SUSD5: variants seen among roughly 807,000 people sequenced by gnomAD.
SUSD5 encodes sushi domain-containing protein 5.
Under a neutral mutation model 29.5 loss-of-function variants are expected in SUSD5, and 33 were observed. The ratio of observed to expected loss-of-function variants is 1.12; its 90% CI spans 0.85 to 1.49. The LOEUF is 1.49. Among genes scored for constraint, SUSD5 ranks in the 40% most tolerant of loss-of-function variants. SUSD5 has a pLI of 0.00. For synonymous variants in SUSD5, 308 were observed against 325.3 expected, an observed-to-expected ratio of 0.95 and a Z score of 0.57; for missense variants, 776 against 800.6, an observed-to-expected ratio of 0.97 and a Z score of 0.37.
chr3:33,194,739 A>G (rs55643417), intron 3 of SUSD5, among the ~76,000 whole-genome samples: 4,502 of 152,296 alleles, frequency 0.03, 115 homozygotes, highest in Non-Finnish European at 0.044. Flanking sequence ...AAGATAATGG[A>G]GGCCATGAGT....
chr3:33,176,983 T>G (rs2031565268), intron 3 of SUSD5, among the ~76,000 whole-genome samples: 1 of 152,226 alleles, frequency 6.6e-6, no homozygotes, highest in Non-Finnish European at 1.5e-5. Flanking sequence ...CACACTATCT[T>G]GATTGCTGTA....
chr3:33,211,472 A>G (rs1306988761), intron 2 of SUSD5, among the ~76,000 whole-genome samples: 2 of 152,222 alleles, frequency 1.3e-5, no homozygotes, highest in Non-Finnish European at 2.9e-5. Context: ...TCTATTCAAG[A>G]GCATAGATAT....
intron 3 of SUSD5, among the ~76,000 whole-genome samples, chr3:33,205,600 A>G (rs921471881): frequency 5.3e-5 from 8 of 152,220 alleles, no homozygotes; most frequent in African/African-American, 1.4e-4. Flanking sequence ...CTTTGGCTCC[A>G]TGCATTACAG....
intron 4 of SUSD5, among the ~76,000 whole-genome samples, chr3:33,154,817 G>C (rs1280257555): frequency 6.6e-6 from 1 of 152,186 alleles, no homozygotes. Context: ...TCATGTAGTA[G>C]AAGGCTCAAG....
chr3:33,162,436 A>C (rs1305260825), intron 4 of SUSD5, among the ~76,000 whole-genome samples: 1 of 152,176 alleles, frequency 6.6e-6, no homozygotes, highest in Non-Finnish European at 1.5e-5. Flanking sequence ...AGATTTTTAA[A>C]AGAGGAGAAA....
chr3:33,207,659 C>T (rs2125632341), intron 3 of SUSD5, 149 bp downstream of exon 3: 2 of 559,360 alleles, frequency 3.6e-6, no homozygotes, highest in East Asian at 3.2e-5. Flanking sequence ...CACTTCCCCA[C>T]CGCACTATTG....
At chr3:33,205,951 A>G (rs2032211159) in intron 3 of SUSD5, among the ~76,000 whole-genome samples, 1 of 152,246 alleles carries the variant, frequency 6.6e-6, no homozygotes, top group South Asian at 2.1e-4. Flanking sequence ...TATTGGAGAA[A>G]GAAGTAAGAC....
At chr3:33,212,774 C>A (rs1575546794) in intron 2 of SUSD5, among the ~76,000 whole-genome samples, 1 of 152,278 alleles carries the variant, frequency 6.6e-6, no homozygotes. Context: ...AAGTGAGTGT[C>A]CCCAGAAATC....
At chr3:33,213,581 C>T (rs1006024819) in intron 2 of SUSD5, among the ~76,000 whole-genome samples, 1 of 152,110 alleles carries the variant, frequency 6.6e-6, no homozygotes, top group Non-Finnish European at 1.5e-5. Flanking sequence ...CGAGATCAGC[C>T]TGGCCAATAT....
rs552507070 is a variant in SUSD5 at position 33,200,156 on chromosome 3, G to T, written c.409+7652C>A. ...CTTATGAAAGAGACCTCACAGAACTGCCTCACCCCGTCTACCATGTGAAGA... is the reference window on the plus strand; with the variant it reads ...CTTATGAAAGAGACCTCACAGAACTTCCTCACCCCGTCTACCATGTGAAGA... On this transcript the variant is annotated intron_variant, in intron 3 of 4. Coordinates refer to ENST00000309558, the MANE Select transcript of SUSD5 (RefSeq NM_015551.2). 2.0e-5 allele frequency among the ~76,000 whole-genome samples: 3 copies of T among 152,228 alleles called. No homozygotes were observed. The South Asian group carries it at 6.2e-4, about 32-fold the overall frequency.
At chr3:33,188,572 G>C (rs1404797290) in intron 3 of SUSD5, among the ~76,000 whole-genome samples, 1 of 152,176 alleles carries the variant, frequency 6.6e-6, no homozygotes, top group Non-Finnish European at 1.5e-5. Context: ...TGTATTTCTT[G>C]AAAGTTCCTA....
chr3:33,175,873 A>G (rs1278428044), intron 3 of SUSD5, among the ~76,000 whole-genome samples: 1 of 152,142 alleles, frequency 6.6e-6, no homozygotes, highest in African/African-American at 2.4e-5. Flanking sequence ...AACTTACCTC[A>G]AGGTTACCAT....
intron 3 of SUSD5, among the ~76,000 whole-genome samples, chr3:33,200,384 A>T (rs938670641): frequency 1.3e-5 from 2 of 152,242 alleles, no homozygotes; most frequent in African/African-American, 4.8e-5. Context: ...GCTGTAACAA[A>T]TACCTAAAAA....
intron 3 of SUSD5, among the ~76,000 whole-genome samples, chr3:33,181,207 C>T (rs2031666294): frequency 6.6e-6 from 1 of 151,918 alleles, no homozygotes; most frequent in Non-Finnish European, 1.5e-5. Flanking sequence ...TCTAAGTGTA[C>T]AGTGTTTATA....
At chr3:33,180,328 G>T (rs765260549) in intron 3 of SUSD5, among the ~76,000 whole-genome samples, 1 of 152,074 alleles carries the variant, frequency 6.6e-6, no homozygotes, top group Non-Finnish European at 1.5e-5. Flanking sequence ...GTGCATGTTT[G>T]TGTCTTAGTT....
intron 2 of SUSD5, among the ~76,000 whole-genome samples, chr3:33,211,830 A>G (rs569845127): frequency 6.6e-6 from 1 of 152,288 alleles, no homozygotes; most frequent in East Asian, 1.9e-4. Flanking sequence ...ATCCTGAAGC[A>G]TTCTTCCTAT....
Position 33,174,959 on chromosome 3 carries a change from G to A in SUSD5, c.525C>T (p.His175=). 1 of 1,614,010 alleles carries A rather than the reference G, an allele frequency of 6.2e-7. No individual in the cohort carries two copies. Among genetic ancestry groups the A allele is most frequent in the Non-Finnish European group, 8.5e-7 (1 of 1,179,890 alleles). The stretch of plus-strand genomic sequence containing the variant: ...ATAGCAAGGTGAAGGCGGTCTCCCG[G>A]TGGCCCATGATGTGGCCTGGGGCAC... ...YVCAPGHIMG[H]RETAFTLLCN... The change falls in exon 4 of 5, where the codon CAC becomes CAT. Residue 175 remains histidine (H), a synonymous_variant. Coordinates refer to ENST00000309558, the MANE Select transcript of SUSD5 (RefSeq NM_015551.2).
chr3:33,156,980 A>G (rs2031070257), intron 4 of SUSD5, among the ~76,000 whole-genome samples: 1 of 152,242 alleles, frequency 6.6e-6, no homozygotes, highest in Non-Finnish European at 1.5e-5. Context: ...AGGACAGCCC[A>G]ATCACACCCC....
At chr3:33,165,982 GC>G (rs2031295544) in intron 4 of SUSD5, among the ~76,000 whole-genome samples, 1 of 145,178 alleles carries the variant, frequency 6.9e-6, no homozygotes, top group Non-Finnish European at 1.5e-5. Context: ...CTGCACCGCA[GC>G]CTGGGTGACA....
Sources: gnomAD v4.1 joint callset for allele counts (sites outside exome capture counted in the v4.1 genomes callset) on GRCh38, gnomAD v4.1.1 for gene constraint, MANE v1.5 for transcripts, NCBI Gene and HGNC (gene_info 2026-07-23, HGNC 2026-07-21) for gene names.